PRSS55: variants seen among roughly 807,000 people sequenced by gnomAD.
The protein encoded by PRSS55 is serine protease 55.
Under a neutral mutation model 23.6 loss-of-function variants are expected in PRSS55, and 41 were observed. That is an observed-to-expected ratio of 1.74 (90% CI 1.35 to 2.26). PRSS55 has a LOEUF of 2.26. PRSS55 is among the 30% of genes most tolerant of loss of function. The pLI is 0.00. For synonymous variants in PRSS55, 262 were observed against 175.5 expected (o/e 1.49, Z -3.90); for missense variants, 669 against 439.1 (o/e 1.52, Z -4.68).
chr8:10,532,193 G>T (rs1585872499), intron 3 of PRSS55, among the ~76,000 whole-genome samples: 1 of 152,166 alleles, frequency 6.6e-6, no homozygotes, highest in Non-Finnish European at 1.5e-5. Context: ...CTGGACAACC[G>T]TGGGTGTTTC....
chr8:10,530,015 C>G (rs1017198782), intron 2 of PRSS55, among the ~76,000 whole-genome samples: 10 of 152,300 alleles, frequency 6.6e-5, no homozygotes, highest in African/African-American at 2.4e-4. Flanking sequence ...GCATTCAAGT[C>G]CATCTAGGGG....
At position 10,527,081 on chromosome 8, in the gene PRSS55, T is replaced by A. The variant is rs954775378; in HGVS notation, c.154+1342T>A. On this transcript the variant is annotated intron_variant, in intron 1 of 4. Transcript: ENST00000328655. The stretch of plus-strand genomic sequence containing the variant: ...GTTCATGTACTTCCTTCCATACTTA[T>A]AAACCCACATTCTCAACGTAATAAA... Among the ~76,000 whole-genome samples, 7 of 152,208 alleles carry A rather than the reference T, an allele frequency of 4.6e-5. No individual in the cohort carries two copies. In the South Asian group the frequency reaches 6.2e-4, roughly 14 times the overall value.
At chr8:10,543,875 G>A (rs1026636797) in intron 4 of PRSS55, among the ~76,000 whole-genome samples, 2 of 152,006 alleles carry the variant, frequency 1.3e-5, no homozygotes, top group Admixed American at 1.3e-4. Flanking sequence ...ATTCCACTGA[G>A]GTTGGAGAAC....
rs767001112 is a variant in PRSS55, at chr8:10,531,588, A to G, written c.598+43A>G. 14 of 1,606,048 alleles carry G rather than the reference A, an allele frequency of 8.7e-6. No individual in the cohort carries two copies. In the African/African-American group the frequency reaches 1.7e-4, roughly 20 times the overall value. ...TTCCCCTGGGGAAAAAGCCACTGCA[A>G]TGTGAAGGAGAGGGGAGGAAGCTAA... On this transcript the variant is annotated intron_variant, in intron 3 of 4. Transcript: ENST00000328655.
chr8:10,525,651 T>G lies in PRSS55; in HGVS notation c.66T>G (p.Thr22=). ...CGGGAACTCAGCTCGGTCCACGGAC[T>G]CCTCTCCCAGAGGCTGGAGTGGCTA... is the stretch of plus-strand genomic sequence containing the variant. ...LVTGTQLGPR[T]PLPEAGVAIL... Residue 22 remains threonine (T), a synonymous_variant, in exon 1 of 5, where the codon ACT becomes ACG. Transcript: ENST00000328655. 2.5e-6 allele frequency: 4 copies of G among 1,614,130 alleles called. No individual in the cohort carries two copies. Among genetic ancestry groups the G allele is most frequent in the Non-Finnish European group, 2.5e-6 (3 of 1,180,014 alleles).
downstream of PRSS55, among the ~76,000 whole-genome samples, chr8:10,542,824 G>C (rs1432949659): frequency 7.0e-6 from 1 of 143,044 alleles, no homozygotes; most frequent in Non-Finnish European, 1.5e-5. Context: ...AGTGAGTCGA[G>C]ATCATGCCAT....
chr8:10,549,386 G>A (rs761573682), intron 4 of PRSS55, among the ~76,000 whole-genome samples: 33 of 152,324 alleles, frequency 2.2e-4, no homozygotes, highest in Admixed American at 3.9e-4. Context: ...AAGAGCCTAG[G>A]AGGGGTGGCC....
chr8:10,539,602 T>C (rs2117055272), downstream of PRSS55, among the ~76,000 whole-genome samples: 1 of 152,302 alleles, frequency 6.6e-6, no homozygotes, highest in South Asian at 2.1e-4. Context: ...CACTGGGAGA[T>C]AATTGAGTCA....
intron 4 of PRSS55, among the ~76,000 whole-genome samples, chr8:10,536,987 A>G (rs888329272): frequency 6.6e-6 from 1 of 152,252 alleles, no homozygotes; most frequent in Non-Finnish European, 1.5e-5. Context: ...ATTTACTCAC[A>G]TAACAAATCT....
intron 2 of PRSS55, among the ~76,000 whole-genome samples, chr8:10,529,981 CT>C (rs1812191341): frequency 6.6e-6 from 1 of 152,306 alleles, no homozygotes; most frequent in South Asian, 2.1e-4. Context: ...AGCCAAGCGG[CT>C]TGGTCCAAAT....
chr8:10,534,729 G>A (rs1050548621), intron 4 of PRSS55, among the ~76,000 whole-genome samples: 4 of 152,154 alleles, frequency 2.6e-5, no homozygotes, highest in Non-Finnish European at 4.4e-5. Context: ...AATCAGGCAA[G>A]AAAAAGAAAT....
At chr8:10,550,133 G>A (rs1388768329) in intron 4 of PRSS55, among the ~76,000 whole-genome samples, 1 of 152,122 alleles carries the variant, frequency 6.6e-6, no homozygotes, top group South Asian at 2.1e-4. Flanking sequence ...TGGCCAGGCT[G>A]ATTGGTCTTG....
chr8:10,553,919 G>C (rs777844840), intron 4 of PRSS55: 3 of 1,454,552 alleles, frequency 2.1e-6, no homozygotes, highest in African/African-American at 3.0e-5. Flanking sequence ...TTTTTAATTT[G>C]TCAATTTAAT....
Position 10,538,233 on chromosome 8 carries a change from T to TAC in PRSS55, c.742-243_742-242insAC, listed in dbSNP as rs1563543166. On this transcript the variant is annotated intron_variant, in intron 4 of 4. Transcript: ENST00000328655. Reference sequence around the variant, plus strand: ...TGGAGTGGTCTTTTCTTACCAAGGCTTCCCCCTTCCTTCCCCATCTTCAGT... The same window carrying TAC: ...TGGAGTGGTCTTTTCTTACCAAGGCTACTCCCCCTTCCTTCCCCATCTTCAGT... Among the ~76,000 whole-genome samples the TAC allele has an allele frequency of 1.5e-4, 22 of 151,332 alleles. 1 individual carries two copies. The highest frequency in any genetic ancestry group is 5.3e-4 in the Admixed American group (8 of 15,224).
At chr8:10,538,212 G>C (rs1225971537) in intron 4 of PRSS55, among the ~76,000 whole-genome samples, 1 of 152,136 alleles carries the variant, frequency 6.6e-6, no homozygotes, top group Non-Finnish European at 1.5e-5. Context: ...TGCAGATGGA[G>C]TGGTCTTTTC....
chr8:10,531,973 CTTG>C (rs1356606397), intron 3 of PRSS55, among the ~76,000 whole-genome samples: 1 of 152,116 alleles, frequency 6.6e-6, no homozygotes, highest in African/African-American at 2.4e-5. Context: ...TCTGTTGTTC[CTTG>C]TTGTTATGCT....
chr8:10,538,711 G>C lies in PRSS55; in HGVS notation c.977G>C (p.Gly326Ala), dbSNP rs749617900. Residue 326 changes from glycine to alanine, a missense_variant, in exon 5 of 5, where the codon GGA becomes GCA. By Grantham distance (60) the Gly-to-Ala change is moderately conservative. Transcript: ENST00000328655. The part of the protein sequence containing the change: ...KQKPMGSPVS[G>A]VPEPGSPRSW... ...AAACCTATGGGCTCCCCAGTCTCGG[G>C]AGTCCCAGAGCCAGGCAGCCCCAGA... The C allele has an allele frequency of 2.0e-5, 32 of 1,613,854 alleles. No individual in the cohort carries two copies. Among genetic ancestry groups the C allele is most frequent in the Non-Finnish European group, 2.6e-5 (31 of 1,179,974 alleles).
At chr8:10,543,444 C>CTTCCTTCCTTCCTTCT (rs1812721211), downstream of PRSS55, among the ~76,000 whole-genome samples, 1 of 13,462 alleles carries the variant, frequency 7.4e-5, no homozygotes, top group African/African-American at 1.2e-4. Flanking sequence ...TCCTTCCTTC[C>CTTCCTTCCTTCCTTCT]ATCCTTCCTT....
chr8:10,527,773 A>G (rs2117007587), intron 1 of PRSS55, among the ~76,000 whole-genome samples: 1 of 152,322 alleles, frequency 6.6e-6, no homozygotes, highest in South Asian at 2.1e-4. Context: ...TCTCAATTAC[A>G]AAGTGAGGAT....
Sources: gnomAD v4.1 joint callset for allele counts (sites outside exome capture counted in the v4.1 genomes callset) on GRCh38, gnomAD v4.1.1 for gene constraint, MANE v1.5 for transcripts, NCBI Gene and HGNC (gene_info 2026-07-23, HGNC 2026-07-21) for gene names.